RSPO2: variants seen among roughly 807,000 people sequenced by gnomAD.
RSPO2 encodes R-spondin 2.
In RSPO2, 14 loss-of-function variants were observed where a neutral mutation model predicts 30.9. The ratio of observed to expected loss-of-function variants is 0.45; its 90% confidence interval spans 0.30 to 0.71. The LOEUF (loss-of-function observed/expected upper bound fraction) is 0.71, where lower values mean the gene tolerates loss of function less well. Ranked by LOEUF, RSPO2 falls within the 30% of genes least tolerant of loss-of-function variation. The pLI is 0.08. For synonymous variants in RSPO2, 107 were observed against 96.4 expected (o/e 1.11, Z -0.64); for missense variants, 264 against 301.9 (o/e 0.87, Z 0.93).
chr8:107,989,667 T>C (rs1443801878), intron 2 of RSPO2: 3 of 155,232 alleles, frequency 1.9e-5, no homozygotes, highest in African/African-American at 4.8e-5. Context: ...TGACCCTAGC[T>C]TGGGAGCACA....
rs115303339 is a variant in RSPO2, at chr8:107,963,317, T to G, written c.284-2500A>C. Among the ~76,000 whole-genome samples the G allele has an allele frequency of 2.7e-3, 410 of 151,724 alleles. 1 individual carries two copies. Among genetic ancestry groups the G allele is most frequent in the Middle Eastern group, 0.014 (4 of 292 alleles). Reference sequence around the variant, plus strand: ...TGGGAGGCCAAGGCAATGCATCACTTGAGCTCAGGAGTTCAAGTTCAGCCT... The same window carrying G: ...TGGGAGGCCAAGGCAATGCATCACTGGAGCTCAGGAGTTCAAGTTCAGCCT... On this transcript the variant is annotated intron_variant, in intron 3 of 5. Transcript: ENST00000276659.
intron 3 of RSPO2, among the ~76,000 whole-genome samples, chr8:107,963,612 T>C (rs1485509172): frequency 3.3e-5 from 5 of 150,732 alleles, no homozygotes; most frequent in African/African-American, 7.3e-5. Context: ...CGTGTGTTCA[T>C]GGGTATGAAG....
At position 108,035,411 on chromosome 8, in the gene RSPO2, C is replaced by T. The variant is rs146907121; in HGVS notation, c.95-46167G>A. 3.2e-3 allele frequency among the ~76,000 whole-genome samples: 487 copies of T among 152,288 alleles called. 1 individual carries two copies. Among genetic ancestry groups the T allele is most frequent in the Middle Eastern group, 0.014 (4 of 294 alleles). On this transcript the variant is annotated intron_variant, in intron 2 of 5. Transcript: ENST00000276659. ...CATCGGTAGCACAAATTTATAGTGA[C>T]TGTTGATTCCTCACCAGTTCTTTTT...
chr8:107,960,921 CTCA>C (rs1286912216), intron 3 of RSPO2, 104 bp from the exon 4 acceptor site: 2 of 792,632 alleles, frequency 2.5e-6, no homozygotes, highest in African/African-American at 3.5e-5. Flanking sequence ...ATTTGAAATT[CTCA>C]TCATCAGAGA....
chr8:107,926,322 T>C (rs539200012), intron 5 of RSPO2, among the ~76,000 whole-genome samples: 1 of 152,248 alleles, frequency 6.6e-6, no homozygotes, highest in African/African-American at 2.4e-5. Flanking sequence ...TATGAGTAGA[T>C]TGCAAAAATT....
At chr8:108,022,701 G>A (rs766341337) in intron 2 of RSPO2, among the ~76,000 whole-genome samples, 28 of 151,984 alleles carry the variant, frequency 1.8e-4, no homozygotes, top group Admixed American at 5.2e-4. Flanking sequence ...CGAGGTGGGC[G>A]GATCACCTGA....
At position 108,000,534 on chromosome 8, in the gene RSPO2, GT is replaced by G. The variant is rs538349990; in HGVS notation, c.95-11291del. Among the ~76,000 whole-genome samples the G allele has an allele frequency of 1.5e-4, 22 of 151,128 alleles. No homozygotes were observed. The South Asian group carries it at 2.7e-3, about 19-fold the overall frequency. ...GGCAAGATACTTTTGAGAGTTTTGTGTTTTTTTTTTGAGTTTTTTTAAATCA... is the reference window on the plus strand; with the variant it reads ...GGCAAGATACTTTTGAGAGTTTTGTGTTTTTTTTTGAGTTTTTTTAAATCA... On this transcript the variant is annotated intron_variant, in intron 2 of 5. Transcript: ENST00000276659.
chr8:107,919,184 T>G (rs1397912909), intron 5 of RSPO2, among the ~76,000 whole-genome samples: 1 of 152,066 alleles, frequency 6.6e-6, no homozygotes, highest in Non-Finnish European at 1.5e-5. Context: ...ACGAAGAAGT[T>G]AGAGCAGTTG....
intron 2 of RSPO2, among the ~76,000 whole-genome samples, chr8:108,050,603 G>A (rs1313551437): frequency 2.0e-5 from 3 of 152,214 alleles, no homozygotes; most frequent in Non-Finnish European, 4.4e-5. Flanking sequence ...GTAACAAAAG[G>A]AGGCAAGGTG....
intron 2 of RSPO2, among the ~76,000 whole-genome samples, chr8:108,057,672 A>C (rs1210293493): frequency 6.6e-6 from 1 of 151,964 alleles, no homozygotes; most frequent in Admixed American, 6.6e-5. Flanking sequence ...TTCTTACTTA[A>C]AAACACTAAA....
intron 2 of RSPO2, among the ~76,000 whole-genome samples, chr8:108,043,774 T>C (rs1002884733): frequency 1.3e-5 from 2 of 152,106 alleles, no homozygotes; most frequent in African/African-American, 4.8e-5. Flanking sequence ...AGGCTGGTTC[T>C]GGCTGTCCGA....
rs761279201 is a variant in RSPO2 at position 107,960,850 on chromosome 8, TTCAG to T, written c.284-37_284-34del. On this transcript the variant is annotated intron_variant, in intron 3 of 5. Transcript: ENST00000276659. ...CAATTTTAAAGAGAAAAAAGAAAAT[TTCAG>T]TCAAAGAAATTTACTTGTTTTACAA... The T allele has an allele frequency of 3.5e-5, 53 of 1,501,004 alleles. No individual in the cohort carries two copies. The African/African-American group carries it at 3.9e-4, about 11-fold the overall frequency. 93.0% of individuals were successfully genotyped at this position (1,501,004 alleles called of 1,614,324 possible). A position where few individuals can be genotyped will look rare whatever the true frequency, so the allele number is the denominator to read the frequency against.
intron 5 of RSPO2, among the ~76,000 whole-genome samples, chr8:107,936,462 T>A (rs1003701568): frequency 3.9e-5 from 6 of 152,126 alleles, no homozygotes; most frequent in African/African-American, 1.2e-4. Context: ...TGTTATTCTG[T>A]TTTTTCTTTG....
intron 2 of RSPO2, among the ~76,000 whole-genome samples, chr8:108,025,337 G>A (rs534316548): frequency 3.9e-5 from 6 of 152,110 alleles, no homozygotes; most frequent in African/African-American, 4.8e-5. Context: ...AGAGAGAACC[G>A]AAGTGTTCAA....
chr8:108,081,788 GA>G, intron 2 of RSPO2: 1 of 429,252 alleles, frequency 2.3e-6, no homozygotes, highest in Non-Finnish European at 3.1e-6. Context: ...ATTTCATTGA[GA>G]ACAGAAGCCT....
chr8:107,948,497 G>A (rs1362803193), intron 5 of RSPO2, among the ~76,000 whole-genome samples: 1 of 152,128 alleles, frequency 6.6e-6, no homozygotes, highest in Non-Finnish European at 1.5e-5. Context: ...GGCCAGCCTT[G>A]GAGAGGAAAC....
At chr8:107,995,586 A>T (rs562800660) in intron 2 of RSPO2, among the ~76,000 whole-genome samples, 1 of 152,042 alleles carries the variant, frequency 6.6e-6, no homozygotes, top group African/African-American at 2.4e-5. Context: ...TATCTCTAAA[A>T]CTGCTTTTAT....
intron 2 of RSPO2, among the ~76,000 whole-genome samples, chr8:108,009,488 G>T (rs1320712398): frequency 1.3e-5 from 2 of 152,222 alleles, no homozygotes; most frequent in East Asian, 3.9e-4. Context: ...AGAATGGGGG[G>T]TAGATTATAA....
chr8:107,978,536 GGATTAAA>G (rs1206542626), intron 3 of RSPO2, among the ~76,000 whole-genome samples: 45 of 152,142 alleles, frequency 3.0e-4, no homozygotes, highest in African/African-American at 1.1e-3. Flanking sequence ...AATTCAAGAT[GGATTAAA>G]GACTTACATG....
Sources: allele counts gnomAD v4.1 joint callset (sites outside exome capture counted in the v4.1 genomes callset), GRCh38; gene constraint gnomAD v4.1.1; transcripts MANE v1.5; gene names NCBI Gene and HGNC (gene_info 2026-07-23, HGNC 2026-07-21).